ZNF200: variants seen among roughly 807,000 people sequenced by gnomAD.
The protein encoded by ZNF200 is zinc finger protein 200.
ZNF200 carries 35 observed loss-of-function variants against 33.6 expected under a neutral mutation model. The observed-to-expected ratio is 1.04, with a 90% CI of 0.80 to 1.38. ZNF200 has a LOEUF of 1.38. Ranked by LOEUF, ZNF200 falls within the 40% of genes most tolerant of loss-of-function variation. The pLI is 0.00. For missense variants in ZNF200, 592 were observed against 470.6 expected (o/e 1.26, Z -2.39); for synonymous variants, 209 against 167.7 (o/e 1.25, Z -1.90).
At chr16:3,226,500 T>G (rs1214971609) in intron 4 of ZNF200, 2 of 152,252 alleles carry the variant, frequency 1.3e-5, no homozygotes. Flanking sequence ...TAGCATTAAA[T>G]TTTAAAATAT....
In ZNF200 at chr16:3,224,368, TG is replaced by T; in HGVS notation, c.711del (p.Ser238ValfsTer94). On this transcript the variant is annotated frameshift_variant, in exon 5 of 5. Coordinates refer to ENST00000414144, the MANE Select transcript of ZNF200 (RefSeq NM_198088.3). LOFTEE classifies it high-confidence loss of function. ...CGATTTCGAGTAAGGGCAATAATAC[TG>T]ATGTCTACATATTTTGAGAGTTCCT... Reference protein sequence around the residue: ...PLEELSKYVDISIIALTRNRR... With the variant: ...PLEELSKYVDXSIIALTRNRR... 3 of 1,614,220 alleles carry T rather than the reference TG, an allele frequency of 1.9e-6. No homozygotes were observed. The highest frequency in any genetic ancestry group is 1.6e-4 in the Middle Eastern group (1 of 6,062).
At chr16:3,225,805 C>A (rs1958452954) in intron 4 of ZNF200, 1 of 151,870 alleles carries the variant, frequency 6.6e-6, no homozygotes, top group Non-Finnish European at 1.5e-5. Flanking sequence ...TACTGAGAGT[C>A]AAGGGTTCAA....
At chr16:3,232,208 C>T (rs191253948) in intron 4 of ZNF200, among the ~76,000 whole-genome samples, 8 of 152,284 alleles carry the variant, frequency 5.3e-5, no homozygotes, top group Admixed American at 5.2e-4. Flanking sequence ...CCTCTCCCCT[C>T]ACTGCCCCCA....
chr16:3,229,406 A>G (rs2141631508), intron 4 of ZNF200, among the ~76,000 whole-genome samples: 1 of 152,302 alleles, frequency 6.6e-6, no homozygotes, highest in South Asian at 2.1e-4. Context: ...ATAAATACCA[A>G]TTAGAAAGTA....
chr16:3,226,506 A>G (rs1262958631), intron 4 of ZNF200: 1 of 152,242 alleles, frequency 6.6e-6, no homozygotes, highest in African/African-American at 2.4e-5. Flanking sequence ...TAAATTTTAA[A>G]ATATTTAATA....
At chr16:3,232,967 A>C (rs1216118746) in intron 2 of ZNF200, 46 bp from the exon 3 acceptor site, 4 of 1,560,078 alleles carry the variant, frequency 2.6e-6, no homozygotes, top group Non-Finnish European at 3.5e-6. Flanking sequence ...CAGTGACTCT[A>C]ACACAGAGAC....
In ZNF200 at chr16:3,232,863, T is replaced by C. The variant is rs757252001; in HGVS notation, c.309A>G (p.Thr103=). Residue 103 remains threonine (T), a synonymous_variant, in exon 3 of 5, where the codon ACA becomes ACG. Coordinates refer to ENST00000414144, the MANE Select transcript of ZNF200 (RefSeq NM_198088.3). ...LPKGVQKEQE[T]VSLYLKANPE... is the part of the protein sequence containing the mutation. Reference sequence around the variant, plus strand: ...GGTTAGCTTTCAAATACAGAGACACTGTCTCTTGTTCCTTTTGGACTCCTT... The same window carrying C: ...GGTTAGCTTTCAAATACAGAGACACCGTCTCTTGTTCCTTTTGGACTCCTT... 9.9e-6 allele frequency: 16 copies of C among 1,613,874 alleles called. No homozygotes were observed. Among genetic ancestry groups the C allele is most frequent in the Non-Finnish European group, 1.1e-5 (13 of 1,179,840 alleles).
Position 3,232,918 on chromosome 16 carries a change from T to C in ZNF200, c.254A>G (p.His85Arg), listed in dbSNP as rs1567224345. ...DVSSSLQNRV[H>R]PRPLVKLLPK... is the part of the protein sequence containing the mutation. ...CAGAAGCTTCACCAAGGGACGAGGA[T>C]GCACTGGGGAAAGAGGAAGGTTTAG... Residue 85 changes from histidine (H) to arginine (R), a missense_variant, in exon 3 of 5, where the codon CAT (histidine) becomes CGT (arginine). His to Arg is a conservative substitution (Grantham distance 29). Transcript: ENST00000414144. 2 of 1,613,712 alleles carry C rather than the reference T, an allele frequency of 1.2e-6. No homozygotes were observed. The highest frequency in any genetic ancestry group is 1.7e-6 in the Non-Finnish European group (2 of 1,179,784).
Position 3,233,803 on chromosome 16 carries a change from C to A in ZNF200, c.-48G>T, listed in dbSNP as rs1379331792. The A allele has an allele frequency of 1.3e-6, 2 of 1,547,784 alleles. No homozygotes were observed. The highest frequency in any genetic ancestry group is 2.5e-5 in the South Asian group (2 of 80,484). On this transcript the variant is annotated 5_prime_UTR_variant, in exon 2 of 5. Coordinates refer to ENST00000414144, the MANE Select transcript of ZNF200 (RefSeq NM_198088.3). ...TCGTTTCGCGGGGCCTCCAGAGCCA[C>A]CTCTTACTAGAGGAAATCTGCCAGA...
rs78240929 is a variant in ZNF200, at chr16:3,224,469, C to A, written c.611G>T (p.Arg204Leu). 6 of 1,614,036 alleles carry A rather than the reference C, an allele frequency of 3.7e-6. No individual in the cohort carries two copies. In the African/African-American group the frequency reaches 6.7e-5, roughly 18 times the overall value. Residue 204 changes from arginine (R) to leucine (L), a missense_variant, in exon 5 of 5, where the codon CGA becomes CTA. Coordinates refer to ENST00000414144, the MANE Select transcript of ZNF200 (RefSeq NM_198088.3). ...TTTTTGTGGAATGGATGTATTTAGT[C>A]GTTCCTTTTCCTGGTTATCGGGAGG... ...QQPPDNQEKE[R>L]LNTSIPQKRK...
chr16:3,232,694 C>T, intron 3 of ZNF200, 139 bp downstream of exon 3: 1 of 1,426,924 alleles, frequency 7.0e-7, no homozygotes, highest in Non-Finnish European at 9.6e-7. Context: ...GACAGGACAG[C>T]CAGGCTGAGA....
At chr16:3,228,619 AG>A (rs1394781875) in intron 4 of ZNF200, among the ~76,000 whole-genome samples, 1 of 151,932 alleles carries the variant, frequency 6.6e-6, no homozygotes, top group Non-Finnish European at 1.5e-5. Flanking sequence ...CTCAGCCTCC[AG>A]AGTAACTGGG....
At chr16:3,227,557 A>C (rs1302791499) in intron 4 of ZNF200, 1 of 152,142 alleles carries the variant, frequency 6.6e-6, no homozygotes. Flanking sequence ...TGTCAAGGAG[A>C]CATCAGGTGA....
chr16:3,225,791 G>C (rs552988989), intron 4 of ZNF200: 23 of 152,164 alleles, frequency 1.5e-4, no homozygotes, highest in African/African-American at 5.3e-4. Flanking sequence ...CCTCAACTCA[G>C]GCCTACTGAG....
Position 3,232,490 on chromosome 16 carries a change from A to G in ZNF200, c.397T>C (p.Leu133=). 6.2e-7 allele frequency: 1 copy of G among 1,614,124 alleles called. No homozygotes were observed. The highest frequency in any genetic ancestry group is 8.5e-7 in the Non-Finnish European group (1 of 1,179,994). The change falls in exon 4 of 5, where the codon TTG becomes CTG. Residue 133 remains leucine (L), a synonymous_variant. Coordinates refer to ENST00000414144, the MANE Select transcript of ZNF200 (RefSeq NM_198088.3). Reference sequence around the variant, plus strand: ...GACGTGAGTTGTTGAGTAGGATCCAAGCTCACACATTCTTCCTGGCAGTGA... The same window carrying G: ...GACGTGAGTTGTTGAGTAGGATCCAGGCTCACACATTCTTCCTGGCAGTGA... ...VFHCQEECVS[L]DPTQQLTSEK... is the part of the protein sequence containing the mutation.
chr16:3,223,607 T>C lies in ZNF200; in HGVS notation c.*285A>G, dbSNP rs1186109875. 2.7e-5 allele frequency: 8 copies of C among 293,534 alleles called. No homozygotes were observed. Among genetic ancestry groups the C allele is most frequent in the African/African-American group, 1.5e-4 (7 of 45,704 alleles). The allele number at this position is 293,534 out of a possible 1,614,324, so 18.2% of individuals were successfully genotyped here. On this transcript the variant is annotated 3_prime_UTR_variant, in exon 5 of 5. Transcript: ENST00000414144. Reference sequence around the variant, plus strand: ...GCAGACTCCAGATTCATCTTCAAAGTGTTGGGAAAGGGGATCTGTGACCTG... The same window carrying C: ...GCAGACTCCAGATTCATCTTCAAAGCGTTGGGAAAGGGGATCTGTGACCTG...
intron 4 of ZNF200, among the ~76,000 whole-genome samples, chr16:3,230,828 T>A (rs982633460): frequency 6.6e-5 from 10 of 152,194 alleles, no homozygotes; most frequent in African/African-American, 2.2e-4. Context: ...ATGGATTCAA[T>A]CTCATCCAAA....
chr16:3,223,994 T>C lies in ZNF200; in HGVS notation c.1086A>G (p.Arg362=). ...TCCCACATTTTTTGCAACCATATGG[T>C]CTCTCAGCCTCATGACTCTGCAGAT... is the stretch of plus-strand genomic sequence containing the variant. ...VLHLQSHEAE[R]PYGCKKCGRR... Residue 362 remains arginine (R), a synonymous_variant, in exon 5 of 5, where the codon AGA becomes AGG. Transcript: ENST00000414144. The C allele has an allele frequency of 6.2e-7, 1 of 1,614,094 alleles. No homozygotes were observed. Among genetic ancestry groups the C allele is most frequent in the African/African-American group, 1.3e-5 (1 of 75,000 alleles).
rs962620403 is a variant in ZNF200, at chr16:3,223,052, C to A, written c.*840G>T. 2.0e-5 allele frequency: 3 copies of A among 152,212 alleles called. No individual in the cohort carries two copies. The highest frequency in any genetic ancestry group is 7.2e-5 in the African/African-American group (3 of 41,432). 9.4% of individuals were successfully genotyped at this position (152,212 alleles called of 1,614,324 possible). On this transcript the variant is annotated 3_prime_UTR_variant, in exon 5 of 5. Coordinates refer to ENST00000414144, the MANE Select transcript of ZNF200 (RefSeq NM_198088.3). The stretch of plus-strand genomic sequence containing the variant: ...CCTCTCTGGGTCTTGGGGTTTCCTT[C>A]GTAGCACATGAGATCTGGGCTCAAC...
Sources: allele counts gnomAD v4.1 joint callset (sites outside exome capture counted in the v4.1 genomes callset), GRCh38; gene constraint gnomAD v4.1.1; transcripts MANE v1.5; gene names NCBI Gene and HGNC (gene_info 2026-07-23, HGNC 2026-07-21).